DDAH1: variants seen among roughly 807,000 people sequenced by gnomAD.
DDAH1 encodes N(G),N(G)-dimethylarginine dimethylaminohydrolase 1.
In DDAH1, 19 loss-of-function variants were observed where a neutral mutation model predicts 28.8. That is an observed-to-expected ratio of 0.66 (90% CI 0.46 to 0.97). The LOEUF (loss-of-function observed/expected upper bound fraction) is 0.97. Among genes scored for constraint, DDAH1 ranks in the 50% least tolerant of loss-of-function variants. The probability of loss-of-function intolerance (pLI) is 0.00; values close to 1 mark genes in which losing one functional copy is unlikely to be tolerated. For synonymous variants in DDAH1, 153 were observed against 154.4 expected, an observed-to-expected ratio of 0.99 and a Z score of 0.07; for missense variants, 326 against 375.9, an observed-to-expected ratio of 0.87 and a Z score of 1.10.
At chr1:85,530,863 T>C (rs570268605) in intron 1 of DDAH1, among the ~76,000 whole-genome samples, 46 of 150,144 alleles carry the variant, frequency 3.1e-4, no homozygotes, top group Admixed American at 1.7e-3. Flanking sequence ...TGGTGGCACA[T>C]GTCTGTAATC....
intron 1 of DDAH1, among the ~76,000 whole-genome samples, chr1:85,445,185 A>G (rs779983902): frequency 6.6e-6 from 1 of 152,146 alleles, no homozygotes; most frequent in Non-Finnish European, 1.5e-5. Context: ...TCCTTTGACA[A>G]CACCCTCATA....
At chr1:85,349,698 T>C (rs756332427) in intron 4 of DDAH1, among the ~76,000 whole-genome samples, 2 of 152,188 alleles carry the variant, frequency 1.3e-5, no homozygotes, top group Non-Finnish European at 2.9e-5. Context: ...CAAAGGAGCA[T>C]AATGATGAGC....
chr1:85,495,671 G>T (rs1332414104), intron 2 of DDAH1: 1 of 152,186 alleles, frequency 6.6e-6, no homozygotes, highest in African/African-American at 2.4e-5. Context: ...ATTCATTAAG[G>T]TCTGTGTGAC....
intron 2 of DDAH1, among the ~76,000 whole-genome samples, chr1:85,479,393 T>C (rs1039637335): frequency 6.6e-6 from 1 of 151,736 alleles, no homozygotes; most frequent in Non-Finnish European, 1.5e-5. Context: ...CAGGATGGTC[T>C]CGATCTCCTG....
At chr1:85,394,216 C>T (rs1651696517) in intron 1 of DDAH1, among the ~76,000 whole-genome samples, 1 of 152,146 alleles carries the variant, frequency 6.6e-6, no homozygotes, top group South Asian at 2.1e-4. Context: ...TAATGTCTTT[C>T]TCATGAGACT....
intron 1 of DDAH1, among the ~76,000 whole-genome samples, chr1:85,430,498 C>A (rs1333216824): frequency 6.6e-6 from 1 of 152,130 alleles, no homozygotes; most frequent in Non-Finnish European, 1.5e-5. Flanking sequence ...GCAGTATGGC[C>A]ATTTTGACGA....
chr1:85,417,084 GTGGA>G lies in DDAH1; in HGVS notation c.303+47655_303+47658del, dbSNP rs1652921084. On this transcript the variant is annotated intron_variant, in intron 1 of 5. Coordinates refer to ENST00000284031, the MANE Select transcript of DDAH1 (RefSeq NM_012137.4). The stretch of plus-strand genomic sequence containing the variant: ...TTTACTTTTTAGAAAACCATTTTTT[GTGGA>G]TGAAACCCACCAACTGTAAAATGAT... Among the ~76,000 whole-genome samples, 2 of 152,090 alleles carry G rather than the reference GTGGA, an allele frequency of 1.3e-5. 1 individual carries two copies. Among genetic ancestry groups the G allele is most frequent in the South Asian group, 4.2e-4 (2 of 4,816 alleles).
chr1:85,377,355 T>G (rs1210865843), intron 1 of DDAH1, among the ~76,000 whole-genome samples: 4 of 152,092 alleles, frequency 2.6e-5, no homozygotes, highest in African/African-American at 9.7e-5. Context: ...TAAATTGTCT[T>G]CTAGACTCCA....
At chr1:85,354,878 A>G (rs1434067720) in intron 2 of DDAH1, among the ~76,000 whole-genome samples, 1 of 152,054 alleles carries the variant, frequency 6.6e-6, no homozygotes, top group Non-Finnish European at 1.5e-5. Context: ...TTCCAACTTG[A>G]GATGTAGAAA....
At chr1:85,489,534 A>G (rs1050477715) in intron 2 of DDAH1, among the ~76,000 whole-genome samples, 1 of 152,176 alleles carries the variant, frequency 6.6e-6, no homozygotes, top group African/African-American at 2.4e-5. Flanking sequence ...GGTTAAAATT[A>G]TCAGCAGGCA....
At chr1:85,484,881 A>G (rs1656148205) in intron 2 of DDAH1, among the ~76,000 whole-genome samples, 1 of 152,212 alleles carries the variant, frequency 6.6e-6, no homozygotes, top group Admixed American at 6.5e-5. Flanking sequence ...CTAGAGCAAA[A>G]GCAGGTGAGC....
chr1:85,426,106 T>C (rs1048534446), intron 1 of DDAH1, among the ~76,000 whole-genome samples: 2 of 152,156 alleles, frequency 1.3e-5, no homozygotes, highest in African/African-American at 4.8e-5. Flanking sequence ...TATAACAGTG[T>C]CACAAAATGA....
intron 1 of DDAH1, among the ~76,000 whole-genome samples, chr1:85,513,239 A>C (rs1327950082): frequency 6.6e-6 from 1 of 152,246 alleles, no homozygotes; most frequent in Non-Finnish European, 1.5e-5. Flanking sequence ...TGACAAAAAG[A>C]AGAAATGGGG....
intron 1 of DDAH1, among the ~76,000 whole-genome samples, chr1:85,368,057 TA>T (rs372201566): frequency 2.0e-5 from 3 of 152,246 alleles, no homozygotes; most frequent in South Asian, 2.1e-4. Context: ...AAACAACTAT[TA>T]ATGGAGGATT....
chr1:85,364,814 G>A (rs973138379), intron 1 of DDAH1, among the ~76,000 whole-genome samples: 1 of 152,176 alleles, frequency 6.6e-6, no homozygotes, highest in Non-Finnish European at 1.5e-5. Flanking sequence ...AAAGTGCTGG[G>A]ATTACAGGCA....
chr1:85,438,057 C>G (rs1022729407), intron 1 of DDAH1, among the ~76,000 whole-genome samples: 1 of 152,128 alleles, frequency 6.6e-6, no homozygotes, highest in African/African-American at 2.4e-5. Flanking sequence ...GGCCATTATC[C>G]TAAGTGAATT....
chr1:85,476,235 C>G (rs777305522), intron 2 of DDAH1, among the ~76,000 whole-genome samples: 2 of 152,082 alleles, frequency 1.3e-5, no homozygotes, highest in Admixed American at 6.6e-5. Flanking sequence ...TTCCTCAGCT[C>G]CTTCTTCTCA....
intron 1 of DDAH1, among the ~76,000 whole-genome samples, chr1:85,532,481 G>A (rs1221339720): frequency 4.7e-4 from 71 of 152,186 alleles, no homozygotes; most frequent in African/African-American, 8.7e-4. Flanking sequence ...GTTTCACCAC[G>A]TTTGCGATGA....
intron 1 of DDAH1, among the ~76,000 whole-genome samples, chr1:85,541,569 T>C (rs1000544744): frequency 6.6e-6 from 1 of 152,230 alleles, no homozygotes; most frequent in Non-Finnish European, 1.5e-5. Flanking sequence ...TTATAGGTTA[T>C]AGCAAAATCC....
Sources: allele counts gnomAD v4.1 joint callset (sites outside exome capture counted in the v4.1 genomes callset), GRCh38; gene constraint gnomAD v4.1.1; transcripts MANE v1.5; gene names NCBI Gene and HGNC (gene_info 2026-07-23, HGNC 2026-07-21).